The following UBE2H variants were observed in gnomAD, a reference collection of about 807,000 sequenced individuals.
The protein encoded by UBE2H is ubiquitin-conjugating enzyme E2 H.
A neutral mutation model predicts 29.0 loss-of-function variants in UBE2H; 3 were observed. That is an observed-to-expected ratio of 0.10 (90% CI 0.05 to 0.27). The LOEUF is 0.27. Ranked by LOEUF, UBE2H falls within the 10% of genes least tolerant of loss-of-function variation. The pLI, the probability that UBE2H is intolerant of heterozygous loss-of-function variation, is 1.00. For missense variants in UBE2H, 68 were observed against 228.2 expected (o/e 0.30, Z 4.52); for synonymous variants, 69 against 82.9 (o/e 0.83, Z 0.91).
At chr7:129,857,474 T>G (rs1342088360) in intron 5 of UBE2H, 37 bp downstream of exon 5, 1 of 1,595,464 alleles carries the variant, frequency 6.3e-7, no homozygotes, top group African/African-American at 1.4e-5. Context: ...AGGCAATGTC[T>G]CAACATCTCC....
intron 1 of UBE2H, among the ~76,000 whole-genome samples, chr7:129,914,220 T>C (rs1416403228): frequency 6.6e-6 from 1 of 151,624 alleles, no homozygotes; most frequent in Non-Finnish European, 1.5e-5. Flanking sequence ...CAGGCTGGAG[T>C]GCAGAGGTGC....
chr7:129,936,185 A>G (rs188558679), intron 1 of UBE2H, among the ~76,000 whole-genome samples: 89 of 152,372 alleles, frequency 5.8e-4, no homozygotes, highest in Middle Eastern at 3.4e-3. Flanking sequence ...TTTAAGAAAT[A>G]AAACTGCCAG....
intron 1 of UBE2H, among the ~76,000 whole-genome samples, chr7:129,916,952 G>T (rs1275396663): frequency 6.6e-6 from 1 of 151,824 alleles, no homozygotes; most frequent in Non-Finnish European, 1.5e-5. Flanking sequence ...CAGGAGAATG[G>T]CGTGAACCTG....
At chr7:129,948,306 C>T (rs1807805063) in intron 1 of UBE2H, among the ~76,000 whole-genome samples, 1 of 152,152 alleles carries the variant, frequency 6.6e-6, no homozygotes, top group Non-Finnish European at 1.5e-5. Context: ...CAGGTGTGAG[C>T]CACCACACTT....
At chr7:129,921,435 C>T (rs1035819706) in intron 1 of UBE2H, among the ~76,000 whole-genome samples, 1 of 152,058 alleles carries the variant, frequency 6.6e-6, no homozygotes, top group Non-Finnish European at 1.5e-5. Flanking sequence ...TGGTGGCTCA[C>T]GCCTGTAATC....
At chr7:129,915,386 T>C (rs1807023785) in intron 1 of UBE2H, among the ~76,000 whole-genome samples, 1 of 152,008 alleles carries the variant, frequency 6.6e-6, no homozygotes, top group African/African-American at 2.4e-5. Context: ...TACAAAAAAT[T>C]AGCCGGGTGT....
At chr7:129,860,175 GA>G (rs1435572666) in intron 3 of UBE2H, among the ~76,000 whole-genome samples, 24 of 152,312 alleles carry the variant, frequency 1.6e-4, no homozygotes, top group African/African-American at 5.5e-4. Flanking sequence ...CCCTGAAGTA[GA>G]AAACAGGGGA....
At chr7:129,886,776 A>ATTTTTTTGGT (rs1806371502) in intron 1 of UBE2H, among the ~76,000 whole-genome samples, 1 of 126,026 alleles carries the variant, frequency 7.9e-6, no homozygotes, top group Non-Finnish European at 1.7e-5. Flanking sequence ...GTAAAAAAAA[A>ATTTTTTTGGT]AAAAAAAAAA....
intron 5 of UBE2H, chr7:129,839,713 G>GT (rs1805392411): frequency 1.2e-5 from 3 of 244,434 alleles, no homozygotes; most frequent in Non-Finnish European, 2.3e-5. Context: ...GGGTTTTTTT[G>GT]TTTGTTTTTT....
At chr7:129,890,944 C>A (rs1390376092) in intron 1 of UBE2H, among the ~76,000 whole-genome samples, 1 of 151,654 alleles carries the variant, frequency 6.6e-6, no homozygotes, top group Non-Finnish European at 1.5e-5. Flanking sequence ...ACCAGCCTGG[C>A]CAAAATAGTG....
At chr7:129,925,699 G>C (rs1188297860) in intron 1 of UBE2H, among the ~76,000 whole-genome samples, 1 of 152,208 alleles carries the variant, frequency 6.6e-6, no homozygotes, top group African/African-American at 2.4e-5. Flanking sequence ...TTGGTCATTG[G>C]AGGAGGGGAA....
At chr7:129,881,068 A>C in intron 1 of UBE2H, 97 bp from the exon 2 acceptor site, 1 of 1,018,686 alleles carries the variant, frequency 9.8e-7, no homozygotes, top group Non-Finnish European at 1.4e-6. Flanking sequence ...TGTTACCAAA[A>C]TTTGGCATGA....
At chr7:129,852,670 A>G (rs1220317440) in intron 5 of UBE2H, among the ~76,000 whole-genome samples, 1 of 152,190 alleles carries the variant, frequency 6.6e-6, no homozygotes, top group Non-Finnish European at 1.5e-5. Context: ...GTGAAAATGT[A>G]AACTGCCCAA....
intron 1 of UBE2H, among the ~76,000 whole-genome samples, chr7:129,905,926 CT>C (rs1207888949): frequency 2.0e-5 from 3 of 151,878 alleles, no homozygotes; most frequent in Non-Finnish European, 2.9e-5. Flanking sequence ...GACAGTGCCA[CT>C]GTACTCCAGC....
intron 1 of UBE2H, among the ~76,000 whole-genome samples, chr7:129,944,713 A>T (rs1432480580): frequency 1.1e-5 from 1 of 94,644 alleles, no homozygotes; most frequent in Non-Finnish European, 2.2e-5. Context: ...GCATGCGCTC[A>T]AAACACACAC....
chr7:129,836,875 GTC>G (rs1191575995), intron 6 of UBE2H, among the ~76,000 whole-genome samples: 3 of 47,090 alleles, frequency 6.4e-5, no homozygotes, highest in South Asian at 9.3e-4. Flanking sequence ...GCAAGACTCC[GTC>G]TCAAAAAAAA....
intron 1 of UBE2H, among the ~76,000 whole-genome samples, chr7:129,917,268 T>C (rs1170647578): frequency 1.3e-5 from 2 of 152,238 alleles, no homozygotes; most frequent in Admixed American, 1.3e-4. Context: ...TGTTTTTCAT[T>C]TTATTTTAGA....
intron 3 of UBE2H, among the ~76,000 whole-genome samples, chr7:129,870,680 A>G (rs1806012388): frequency 6.6e-6 from 1 of 152,184 alleles, no homozygotes; most frequent in African/African-American, 2.4e-5. Context: ...CTGTGCTTCT[A>G]TCCCGTCACT....
chr7:129,879,505 T>A, intron 3 of UBE2H, 63 bp downstream of exon 3: 3 of 1,473,950 alleles, frequency 2.0e-6, no homozygotes, highest in Non-Finnish European at 2.8e-6. Context: ...TCCCCTGAAA[T>A]GTAAGATTTT....
Sources: gnomAD v4.1 joint callset for allele counts (sites outside exome capture counted in the v4.1 genomes callset) on GRCh38, gnomAD v4.1.1 for gene constraint, MANE v1.5 for transcripts, NCBI Gene and HGNC (gene_info 2026-07-23, HGNC 2026-07-21) for gene names.